The following SCEL variants were observed in gnomAD, a reference collection of about 807,000 sequenced individuals.
SCEL encodes the protein sciellin.
In SCEL, 113 loss-of-function variants were observed where a neutral mutation model predicts 117.6. That is an observed-to-expected ratio of 0.96 (90% CI 0.83 to 1.12). The LOEUF (loss-of-function observed/expected upper bound fraction) is 1.12, where lower values mean the gene tolerates loss of function less well. Among genes scored for constraint, SCEL ranks in the 50% most tolerant of loss-of-function variants. SCEL has a pLI of 0.00. For synonymous variants in SCEL, 270 were observed against 256.2 expected, an observed-to-expected ratio of 1.05 and a Z score of -0.51; for missense variants, 785 against 810.8, an observed-to-expected ratio of 0.97 and a Z score of 0.39.
chr13:77,626,167 A>G (rs1442633877), intron 27 of SCEL, among the ~76,000 whole-genome samples: 1 of 152,190 alleles, frequency 6.6e-6, no homozygotes, highest in African/African-American at 2.4e-5. Flanking sequence ...AGTATGTCTT[A>G]TGTGGTGGCA....
At chr13:77,618,087 G>A (rs771724469) in intron 27 of SCEL, 27 bp downstream of exon 27, 2 of 1,578,468 alleles carry the variant, frequency 1.3e-6, no homozygotes, top group Admixed American at 1.7e-5. Context: ...ATCTTGACAT[G>A]TTTACAAGTT....
At chr13:77,623,588 T>C (rs1436267390) in intron 27 of SCEL, 1 of 152,280 alleles carries the variant, frequency 6.6e-6, no homozygotes, top group Non-Finnish European at 1.5e-5. Flanking sequence ...TTTGCAACTG[T>C]ACCACTTTGG....
intron 1 of SCEL, among the ~76,000 whole-genome samples, chr13:77,547,481 G>A (rs2084058092): frequency 6.6e-6 from 1 of 152,148 alleles, no homozygotes; most frequent in African/African-American, 2.4e-5. Context: ...AGTGCAGAAG[G>A]ATTTGCAAGC....
intron 30 of SCEL, among the ~76,000 whole-genome samples, chr13:77,639,984 C>T (rs1411988297): frequency 6.6e-6 from 1 of 152,114 alleles, no homozygotes; most frequent in Non-Finnish European, 1.5e-5. Context: ...GATCATTTAT[C>T]ATTGAACATT....
chr13:77,554,748 C>T (rs1213949170), intron 1 of SCEL, among the ~76,000 whole-genome samples: 1 of 152,190 alleles, frequency 6.6e-6, no homozygotes, highest in Admixed American at 6.5e-5. Context: ...GGTTCATTCT[C>T]AGACGTTGAA....
At chr13:77,547,756 A>G (rs1176922482) in intron 1 of SCEL, among the ~76,000 whole-genome samples, 2 of 152,218 alleles carry the variant, frequency 1.3e-5, no homozygotes, top group Admixed American at 1.3e-4. Flanking sequence ...TTAGCTAGGT[A>G]TTCTCCAGAA....
chr13:77,555,922 A>G lies in SCEL; in HGVS notation c.43+4A>G. ...AAAATGTCTCCCACAGGAAATGGTA[A>G]TGTACATGATGTTTCTCTCACTCAG... On this transcript the variant is annotated splice_donor_region_variant and intron_variant, in intron 2 of 32. Transcript: ENST00000349847. 1.9e-6 allele frequency: 3 copies of G among 1,611,758 alleles called. No individual in the cohort carries two copies. The highest frequency in any genetic ancestry group is 2.2e-5 in the South Asian group (2 of 90,846).
Position 77,602,647 on chromosome 13 carries a change from T to C in SCEL, c.978-7T>C, listed in dbSNP as rs755010952. On this transcript the variant is annotated splice_region_variant and splice_polypyrimidine_tract_variant and intron_variant, in intron 16 of 32. Transcript: ENST00000349847. ...CTAACTGACAAGTTTTGGTGTTTTT[T>C]CCAAAGAAGACAAAATCTCGAATCT... 1.9e-6 allele frequency: 3 copies of C among 1,613,432 alleles called. No homozygotes were observed. Among genetic ancestry groups the C allele is most frequent in the Admixed American group, 1.7e-5 (1 of 60,016 alleles).
At chr13:77,582,476 C>T (rs2086318202) in intron 9 of SCEL, among the ~76,000 whole-genome samples, 1 of 152,204 alleles carries the variant, frequency 6.6e-6, no homozygotes, top group African/African-American at 2.4e-5. Context: ...GATCCTCCTG[C>T]CTCGGCCTCC....
chr13:77,633,443 A>AAAAAAAAAAAACAAAAACAAAAAC, intron 28 of SCEL, among the ~76,000 whole-genome samples: 1 of 91,930 alleles, frequency 1.1e-5, no homozygotes, highest in Non-Finnish European at 2.1e-5. Flanking sequence ...ACTCCGCCTC[A>AAAAAAAAAAAACAAAAACAAAAAC]AAAAAAAAAA....
At chr13:77,572,425 T>C (rs192518525) in intron 9 of SCEL, among the ~76,000 whole-genome samples, 1 of 152,288 alleles carries the variant, frequency 6.6e-6, no homozygotes, top group East Asian at 1.9e-4. Flanking sequence ...CTAGGGTTGC[T>C]TAGAGCCAAA....
rs74470262 is a variant in SCEL at position 77,634,561 on chromosome 13, G to A, written c.1763+111G>A. On this transcript the variant is annotated intron_variant, in intron 29 of 32. Transcript: ENST00000349847. ...GTGTGCTTCTTTCAAATAGAAGACCGTTTATAAGTACATTGAGTTCTATAT... is the reference window on the plus strand; with the variant it reads ...GTGTGCTTCTTTCAAATAGAAGACCATTTATAAGTACATTGAGTTCTATAT... The A allele has an allele frequency of 8.4e-4, 566 of 672,876 alleles. 4 individuals carry two copies. The East Asian group carries it at 0.013, about 15-fold the overall frequency. 41.7% of individuals were successfully genotyped at this position (672,876 alleles called of 1,614,324 possible). A position where few individuals can be genotyped will look rare whatever the true frequency, so the allele number is the denominator to read the frequency against.
chr13:77,568,456 T>C, intron 7 of SCEL, 123 bp downstream of exon 7: 1 of 606,196 alleles, frequency 1.6e-6, no homozygotes, highest in Non-Finnish European at 2.8e-6. Flanking sequence ...CAGAGTTGAG[T>C]AGTAGAAGAC....
intron 10 of SCEL, among the ~76,000 whole-genome samples, chr13:77,589,978 T>C (rs1468452216): frequency 6.6e-6 from 1 of 152,138 alleles, no homozygotes; most frequent in Non-Finnish European, 1.5e-5. Flanking sequence ...TATTGTGAGA[T>C]TAAAAAATAG....
Position 77,610,053 on chromosome 13 carries a change from A to G in SCEL, c.1284A>G (p.Gln428=). 1 of 1,609,018 alleles carries G rather than the reference A, an allele frequency of 6.2e-7. No homozygotes were observed. Among genetic ancestry groups the G allele is most frequent in the Non-Finnish European group, 8.5e-7 (1 of 1,177,210 alleles). ...GATTTTCTATGTTTTTAAGGGGCCA[A>G]AGTCTCGACAGCCTCATTAAAGTGA... ...PGTEKSTEGG[Q]SLDSLIKVTP... The change falls in exon 22 of 33, where the codon CAA becomes CAG. Residue 428 remains glutamine, a synonymous_variant. Transcript: ENST00000349847.
chr13:77,642,672 A>C, intron 31 of SCEL, 34 bp from the exon 32 acceptor site: 3 of 1,272,812 alleles, frequency 2.4e-6, no homozygotes, highest in Non-Finnish European at 3.4e-6. Flanking sequence ...TTTCATTTAC[A>C]ATGGAAACTT....
intron 9 of SCEL, 106 bp downstream of exon 9, chr13:77,572,295 C>G: frequency 1.2e-6 from 1 of 849,954 alleles, no homozygotes; most frequent in Non-Finnish European, 1.9e-6. Context: ...TGGAGGCAAT[C>G]TCATGAACTC....
intron 15 of SCEL, 130 bp downstream of exon 15, chr13:77,599,878 T>C: frequency 1.5e-6 from 1 of 682,844 alleles, no homozygotes; most frequent in Non-Finnish European, 2.6e-6. Context: ...GGTCCAGGGA[T>C]AGTGTGTATC....
chr13:77,591,812 A>T lies in SCEL; in HGVS notation c.692+352A>T, dbSNP rs548612965. Among the ~76,000 whole-genome samples the T allele has an allele frequency of 4.6e-5, 7 of 152,316 alleles. No individual in the cohort carries two copies. In the South Asian group the frequency reaches 1.0e-3, roughly 23 times the overall value. ...TAAAGAGGTGGAAATACAGTTGTTC[A>T]GTTGAACTTGTGTTACAAAATCCTG... is the stretch of plus-strand genomic sequence containing the variant. On this transcript the variant is annotated intron_variant, in intron 11 of 32. Transcript: ENST00000349847.
Sources: gnomAD v4.1 joint callset for allele counts (sites outside exome capture counted in the v4.1 genomes callset) on GRCh38, gnomAD v4.1.1 for gene constraint, MANE v1.5 for transcripts, NCBI Gene and HGNC (gene_info 2026-07-23, HGNC 2026-07-21) for gene names.